The following METTL25 variants were observed in gnomAD, a reference collection of about 807,000 sequenced individuals.
METTL25 encodes the protein probable methyltransferase-like protein 25.
Under a neutral mutation model 71.6 loss-of-function variants are expected in METTL25, and 64 were observed. That is an observed-to-expected ratio of 0.89 (90% CI 0.73 to 1.10). METTL25 has a LOEUF of 1.10. Ranked by LOEUF, METTL25 falls within the 50% of genes least tolerant of loss-of-function variation. METTL25 has a pLI of 0.00. For missense variants in METTL25, 807 were observed against 707.0 expected, an observed-to-expected ratio of 1.14 and a Z score of -1.60; for synonymous variants, 287 against 250.3, an observed-to-expected ratio of 1.15 and a Z score of -1.38.
chr12:82,360,378 A>G (rs1368235620), intron 1 of METTL25, among the ~76,000 whole-genome samples: 1 of 152,054 alleles, frequency 6.6e-6, no homozygotes, highest in African/African-American at 2.4e-5. Context: ...TTGTGGAATT[A>G]TAACTTGAGG....
intron 5 of METTL25, among the ~76,000 whole-genome samples, chr12:82,419,551 C>T (rs781103740): frequency 3.3e-5 from 5 of 151,918 alleles, no homozygotes; most frequent in African/African-American, 4.8e-5. Flanking sequence ...TGCAGAACCC[C>T]GTAAGTTCAA....
chr12:82,359,359 C>G (rs1348704393), intron 1 of METTL25, among the ~76,000 whole-genome samples: 2 of 152,106 alleles, frequency 1.3e-5, no homozygotes, highest in Non-Finnish European at 2.9e-5. Flanking sequence ...AGGCTTGGCT[C>G]TAGCCAGGTG....
chr12:82,358,916 G>A lies in METTL25; in HGVS notation c.259+92G>A, dbSNP rs920443752. 4 of 1,480,558 alleles carry A rather than the reference G, an allele frequency of 2.7e-6. No individual in the cohort carries two copies. In the South Asian group the frequency reaches 3.7e-5, roughly 14 times the overall value. 91.7% of individuals were successfully genotyped at this position (1,480,558 alleles called of 1,614,324 possible). ...CCCCTGGTGGAAGCCAGCAGAACCA[G>A]GTGCGTGGCGGCGGAGGCGGGGCGG... On this transcript the variant is annotated intron_variant, in intron 1 of 11. Transcript: ENST00000248306.
At chr12:82,369,446 C>G (rs1183089545) in intron 1 of METTL25, 3 of 450,604 alleles carry the variant, frequency 6.7e-6, no homozygotes, top group African/African-American at 6.0e-5. Context: ...GTGACTGTTA[C>G]AGCTCTTAAA....
At chr12:82,379,976 C>G (rs1195815559) in intron 1 of METTL25, among the ~76,000 whole-genome samples, 3 of 152,070 alleles carry the variant, frequency 2.0e-5, no homozygotes, top group Admixed American at 6.6e-5. Context: ...TCTCTAGTAG[C>G]CTGTAAGATG....
intron 3 of METTL25, among the ~76,000 whole-genome samples, chr12:82,392,209 C>T (rs1397978700): frequency 2.0e-5 from 3 of 150,376 alleles, no homozygotes; most frequent in Non-Finnish European, 3.0e-5. Flanking sequence ...CACCCACTAA[C>T]TCGTCATCTA....
At chr12:82,457,411 T>C (rs531392883) in intron 9 of METTL25, among the ~76,000 whole-genome samples, 6 of 152,056 alleles carry the variant, frequency 3.9e-5, no homozygotes, top group Non-Finnish European at 5.9e-5. Flanking sequence ...GTATTTTGAA[T>C]TGAGTATAAA....
At position 82,395,826 on chromosome 12, in the gene METTL25, G is replaced by T. The variant is rs140738210; in HGVS notation, c.532-2969G>T. Among the ~76,000 whole-genome samples, 66 of 152,144 alleles carry T rather than the reference G, an allele frequency of 4.3e-4. 1 individual carries two copies. The East Asian group carries it at 0.013, about 29-fold the overall frequency. ...TTGTGGGGAAGGGCAGGAGATCAGG[G>T]TGGTGGGGATTTTCCTATTCTGATC... is the stretch of plus-strand genomic sequence containing the variant. On this transcript the variant is annotated intron_variant, in intron 3 of 11. Coordinates refer to ENST00000248306, the MANE Select transcript of METTL25 (RefSeq NM_032230.3).
chr12:82,422,964 A>G (rs1038342600), intron 5 of METTL25, among the ~76,000 whole-genome samples: 6 of 152,222 alleles, frequency 3.9e-5, no homozygotes, highest in African/African-American at 1.4e-4. Flanking sequence ...GAAAATGGCC[A>G]TACTGCCCAA....
chr12:82,440,885 G>A (rs890264431), intron 8 of METTL25, among the ~76,000 whole-genome samples: 19 of 152,016 alleles, frequency 1.2e-4, no homozygotes, highest in Admixed American at 2.6e-4. Context: ...AATCAAAGAG[G>A]AAATGGGATT....
At chr12:82,428,136 A>G (rs1889188306) in intron 5 of METTL25, among the ~76,000 whole-genome samples, 1 of 151,920 alleles carries the variant, frequency 6.6e-6, no homozygotes, top group Non-Finnish European at 1.5e-5. Context: ...GTGAAAGAAC[A>G]TACCCCCCCA....
At chr12:82,393,931 A>T (rs1238826141) in intron 3 of METTL25, among the ~76,000 whole-genome samples, 1 of 151,684 alleles carries the variant, frequency 6.6e-6, no homozygotes, top group African/African-American at 2.4e-5. Flanking sequence ...GGGTTTTGGT[A>T]TGTTGTGTTT....
intron 1 of METTL25, 44 bp downstream of exon 1, chr12:82,358,868 A>G (rs1348021394): frequency 1.7e-5 from 27 of 1,554,284 alleles, no homozygotes; most frequent in Non-Finnish European, 2.4e-5. Context: ...GCGGAGGAGA[A>G]GGTCCCGGCA....
At chr12:82,471,916 G>A (rs142066537) in intron 9 of METTL25, among the ~76,000 whole-genome samples, 13 of 152,174 alleles carry the variant, frequency 8.5e-5, no homozygotes, top group African/African-American at 1.7e-4. Flanking sequence ...CTCTTACACC[G>A]TAAAAAATTG....
At chr12:82,412,523 C>A (rs1887630526) in intron 5 of METTL25, among the ~76,000 whole-genome samples, 1 of 152,052 alleles carries the variant, frequency 6.6e-6, no homozygotes, top group African/African-American at 2.4e-5. Context: ...CAGTCAGCTC[C>A]CTCTGGACCC....
intron 5 of METTL25, among the ~76,000 whole-genome samples, chr12:82,420,492 G>A (rs915694190): frequency 6.6e-5 from 10 of 151,962 alleles, no homozygotes; most frequent in African/African-American, 2.4e-4. Flanking sequence ...TTACATATCT[G>A]CAGCTTTTTA....
At chr12:82,371,712 A>C (rs1883253787) in intron 1 of METTL25, among the ~76,000 whole-genome samples, 1 of 152,082 alleles carries the variant, frequency 6.6e-6, no homozygotes, top group Admixed American at 6.6e-5. Context: ...TGATTGGGTA[A>C]TAAACTTGTC....
chr12:82,416,282 G>C (rs1887974103), intron 5 of METTL25, among the ~76,000 whole-genome samples: 1 of 151,828 alleles, frequency 6.6e-6, no homozygotes, highest in Non-Finnish European at 1.5e-5. Context: ...CATTTTTTCT[G>C]ATCATTTAAG....
chr12:82,362,934 A>AT (rs2136798556), intron 1 of METTL25, among the ~76,000 whole-genome samples: 1 of 152,340 alleles, frequency 6.6e-6, no homozygotes, highest in African/African-American at 2.4e-5. Flanking sequence ...AGAGGTTACT[A>AT]TTGAAAGACT....
Sources: gnomAD v4.1 joint callset for allele counts (sites outside exome capture counted in the v4.1 genomes callset) on GRCh38, gnomAD v4.1.1 for gene constraint, MANE v1.5 for transcripts, NCBI Gene and HGNC (gene_info 2026-07-23, HGNC 2026-07-21) for gene names.